TOX3: variants seen among roughly 807,000 people sequenced by gnomAD.
TOX3 encodes the protein TOX high mobility group box family member 3, also known as CAG trinucleotide repeat-containing gene F9 protein.
A neutral mutation model predicts 64.3 loss-of-function variants in TOX3; 22 were observed. The ratio of observed to expected loss-of-function variants is 0.34; its 90% CI spans 0.24 to 0.49. The LOEUF (loss-of-function observed/expected upper bound fraction) is 0.49, where lower values mean the gene tolerates loss of function less well. Among genes scored for constraint, TOX3 ranks in the 20% least tolerant of loss-of-function variants. The pLI is 0.99. For missense variants in TOX3, 661 were observed against 714.4 expected (o/e 0.93, Z 0.85); for synonymous variants, 291 against 273.6 (o/e 1.06, Z -0.63).
chr16:52,514,895 C>T (rs1000795327), intron 1 of TOX3, among the ~76,000 whole-genome samples: 3 of 150,820 alleles, frequency 2.0e-5, no homozygotes, highest in Admixed American at 6.7e-5. Context: ...CCTGTAGTCC[C>T]AGCTACTTGG....
rs1329983163 is a variant in TOX3, at chr16:52,439,717, AG to A, written c.1238del (p.Ala413ValfsTer3). ...TCGTTCCCATGGAGCTTATCAGTGG[AG>A]CCCCAATGTTCGAGGGCATGTTGGC... Reference protein sequence around the residue: ...IAANMPSNIGAPLISSMGTTM... With the variant: ...IAANMPSNIGXPLISSMGTTM... On this transcript the variant is annotated frameshift_variant, in exon 7 of 7. Coordinates refer to ENST00000219746, the MANE Select transcript of TOX3 (RefSeq NM_001080430.4). LOFTEE classifies it high-confidence loss of function. 6.2e-7 allele frequency: 1 copy of A among 1,613,818 alleles called. No individual in the cohort carries two copies. The highest frequency in any genetic ancestry group is 8.5e-7 in the Non-Finnish European group (1 of 1,179,886).
chr16:52,482,952 A>AT (rs757716973), intron 1 of TOX3, among the ~76,000 whole-genome samples: 110 of 151,752 alleles, frequency 7.2e-4, no homozygotes, highest in Middle Eastern at 6.8e-3. Context: ...TAGAGGTATG[A>AT]TTTTTTTTTA....
rs753295942 is a variant in TOX3 at position 52,468,532 on chromosome 16, T to C, written c.130A>G (p.Asn44Asp). 4 of 1,613,200 alleles carry C rather than the reference T, an allele frequency of 2.5e-6. No individual in the cohort carries two copies. The highest frequency in any genetic ancestry group is 1.7e-5 in the Admixed American group (1 of 59,942). The change falls in exon 2 of 7, where the codon AAT (asparagine) becomes GAT (aspartate). Residue 44 changes from asparagine (N) to aspartate (D), a missense_variant. Physicochemically the swap from Asn to Asp is conservative, Grantham distance 23 (BLOSUM62 1). This residue lies in a region of TOX3 where 259 missense variants were observed against 261.2 expected (regional missense o/e 0.99). Transcript: ENST00000219746. ...ACCTCACTGGCAGCGAAGAACGCAT[T>C]GTTCGCCTCAGCCATATTCATATAG... is the stretch of plus-strand genomic sequence containing the variant. The part of the protein sequence containing the change: ...NNYMNMAEAN[N>D]AFFAASEQTF...
chr16:52,537,620 C>T lies in TOX3; in HGVS notation c.87+9017G>A, dbSNP rs532417441. On this transcript the variant is annotated intron_variant, in intron 1 of 6. Transcript: ENST00000219746. The stretch of plus-strand genomic sequence containing the variant: ...TGACATCAGCACTTTGTTTTTCCTC[C>T]AAAGAACCACTGCTCCATACTCTTA... Among the ~76,000 whole-genome samples, 28 of 152,102 alleles carry T rather than the reference C, an allele frequency of 1.8e-4. 1 individual carries two copies. The South Asian group carries it at 5.6e-3, about 30-fold the overall frequency.
chr16:52,537,684 C>T (rs949822040), intron 1 of TOX3, among the ~76,000 whole-genome samples: 4 of 152,056 alleles, frequency 2.6e-5, no homozygotes, highest in African/African-American at 9.7e-5. Context: ...TGTCCAGCTC[C>T]CCCACTGGTA....
chr16:52,524,192 A>G (rs891991708), intron 1 of TOX3, among the ~76,000 whole-genome samples: 18 of 152,184 alleles, frequency 1.2e-4, no homozygotes, highest in Non-Finnish European at 2.4e-4. Context: ...ACAATTCTGC[A>G]TGTAGTATTA....
At chr16:52,477,545 C>T (rs141916819) in intron 1 of TOX3, among the ~76,000 whole-genome samples, 12 of 152,120 alleles carry the variant, frequency 7.9e-5, no homozygotes, top group South Asian at 2.1e-4. Context: ...ATTCAGAAAG[C>T]GCTTTACAGG....
intron 1 of TOX3, among the ~76,000 whole-genome samples, chr16:52,511,519 T>C (rs1189446295): frequency 6.6e-6 from 1 of 152,114 alleles, no homozygotes; most frequent in East Asian, 1.9e-4. Context: ...AGGTAAGGCC[T>C]ACTGAAAACA....
rs190944547 is a variant in TOX3, at chr16:52,502,981, G to T, written c.88-34407C>A. ...CACCCCTGTTGCAACTACACGAAAA[G>T]CAGGAAAGCAACCACAGAAGACAGA... On this transcript the variant is annotated intron_variant, in intron 1 of 6. Transcript: ENST00000219746. Among the ~76,000 whole-genome samples, 101 of 152,246 alleles carry T rather than the reference G, an allele frequency of 6.6e-4. 2 individuals are homozygous for T. Among genetic ancestry groups the T allele is most frequent in the African/African-American group, 2.3e-3 (97 of 41,554 alleles).
chr16:52,509,967 A>C (rs990813652), intron 1 of TOX3, among the ~76,000 whole-genome samples: 1 of 152,152 alleles, frequency 6.6e-6, no homozygotes, highest in African/African-American at 2.4e-5. Context: ...AAGGCCCCTC[A>C]GTCCTGCCCC....
intron 1 of TOX3, among the ~76,000 whole-genome samples, chr16:52,508,989 C>A (rs988070953): frequency 1.3e-5 from 2 of 152,156 alleles, no homozygotes; most frequent in African/African-American, 4.8e-5. Flanking sequence ...GAACATTAGA[C>A]TATTTCCAGA....
intron 1 of TOX3, among the ~76,000 whole-genome samples, chr16:52,541,270 C>A (rs904875512): frequency 6.6e-6 from 1 of 152,182 alleles, no homozygotes; most frequent in African/African-American, 2.4e-5. Context: ...GCATGAGATG[C>A]ACTTGATCTG....
At chr16:52,502,523 C>G (rs1190845680) in intron 1 of TOX3, among the ~76,000 whole-genome samples, 3 of 152,096 alleles carry the variant, frequency 2.0e-5, no homozygotes, top group African/African-American at 7.2e-5. Flanking sequence ...ACCATTGATC[C>G]AGGTTGCCAT....
chr16:52,455,214 G>A lies in TOX3; in HGVS notation c.409-4668C>T, dbSNP rs113695550. Among the ~76,000 whole-genome samples, 45 of 151,878 alleles carry A rather than the reference G, an allele frequency of 3.0e-4. 2 individuals are homozygous for A. Among genetic ancestry groups the A allele is most frequent in the African/African-American group, 4.8e-4 (20 of 41,428 alleles). ...AAACTCATTCTCTCTGCCTTGTCTC[G>A]TTTTGTCTTCTAATTGGCGATATTA... On this transcript the variant is annotated intron_variant, in intron 3 of 6. Coordinates refer to ENST00000219746, the MANE Select transcript of TOX3 (RefSeq NM_001080430.4).
chr16:52,537,566 T>C (rs1962980755), intron 1 of TOX3, among the ~76,000 whole-genome samples: 1 of 152,188 alleles, frequency 6.6e-6, no homozygotes, highest in African/African-American at 2.4e-5. Flanking sequence ...GACTTTGCTT[T>C]CCTATCCTAC....
In TOX3 at chr16:52,444,534, C is replaced by T. The variant is rs1301800323; in HGVS notation, c.907-178G>A. On this transcript the variant is annotated intron_variant, in intron 5 of 6. Coordinates refer to ENST00000219746, the MANE Select transcript of TOX3 (RefSeq NM_001080430.4). Reference sequence around the variant, plus strand: ...ACACACACACACACACACACACACACGGATATTAAAACAAAACAGAACCCT... The same window carrying T: ...ACACACACACACACACACACACACATGGATATTAAAACAAAACAGAACCCT... 2.8e-5 allele frequency: 12 copies of T among 436,006 alleles called. No individual in the cohort carries two copies. In the South Asian group the frequency reaches 4.1e-4, roughly 15 times the overall value. The allele number at this position is 436,006 out of a possible 1,614,324, so 27.0% of individuals were successfully genotyped here. A position where few individuals can be genotyped will look rare whatever the true frequency, so the allele number is the denominator to read the frequency against.
At chr16:52,525,616 A>G (rs1962712106) in intron 1 of TOX3, among the ~76,000 whole-genome samples, 1 of 151,998 alleles carries the variant, frequency 6.6e-6, no homozygotes, top group Non-Finnish European at 1.5e-5. Flanking sequence ...TCACACCTCT[A>G]CTCCTCTCCA....
intron 1 of TOX3, among the ~76,000 whole-genome samples, chr16:52,543,730 A>G (rs991329646): frequency 6.6e-6 from 1 of 152,202 alleles, no homozygotes; most frequent in Non-Finnish European, 1.5e-5. Context: ...GATCCTGGCT[A>G]TATTTTATTT....
At chr16:52,517,084 T>C (rs1330779487) in intron 1 of TOX3, among the ~76,000 whole-genome samples, 1 of 152,170 alleles carries the variant, frequency 6.6e-6, no homozygotes, top group Non-Finnish European at 1.5e-5. Flanking sequence ...ATACACAATA[T>C]GTTAAGAAAT....
Sources: allele counts gnomAD v4.1 joint callset (sites outside exome capture counted in the v4.1 genomes callset), GRCh38; gene constraint gnomAD v4.1.1; regional missense constraint gnomAD v4.1.1; transcripts MANE v1.5; gene names NCBI Gene and HGNC (gene_info 2026-07-23, HGNC 2026-07-21).